Variants in TMEM114 observed in about 807,000 individuals in gnomAD.
The protein encoded by TMEM114 is claudin-26.
Under a neutral mutation model 6.2 loss-of-function variants are expected in TMEM114, and 6 were observed. That is an observed-to-expected ratio of 0.97 (90% CI 0.53 to 1.91). The LOEUF is 1.91. Ranked by LOEUF, TMEM114 falls within the 40% of genes most tolerant of loss-of-function variation. The pLI, the probability that TMEM114 is intolerant of heterozygous loss-of-function variation, is 0.01. For missense variants in TMEM114, 218 were observed against 158.3 expected (o/e 1.38, Z -2.02); for synonymous variants, 104 against 73.0 (o/e 1.42, Z -2.16).
chr16:8,586,663 C>T (rs982173239), intron 2 of TMEM114, among the ~76,000 whole-genome samples: 3 of 152,052 alleles, frequency 2.0e-5, no homozygotes, highest in African/African-American at 7.2e-5. Flanking sequence ...GCAGGTGGCA[C>T]CACACCGGGC....
intron 2 of TMEM114, among the ~76,000 whole-genome samples, chr16:8,574,483 C>T (rs1901846819): frequency 6.6e-6 from 1 of 152,224 alleles, no homozygotes; most frequent in South Asian, 2.1e-4. Flanking sequence ...GAAAACAAGA[C>T]TGAACTTCCT....
chr16:8,549,230 T>C (rs532593318), intron 2 of TMEM114, among the ~76,000 whole-genome samples: 3 of 144,380 alleles, frequency 2.1e-5, no homozygotes, highest in Non-Finnish European at 4.5e-5. Flanking sequence ...TTGGGGGTGG[T>C]GGCTCACACC....
chr16:8,590,464 G>A lies in TMEM114; in HGVS notation c.-626C>T, dbSNP rs1356786357. On this transcript the variant is annotated 5_prime_UTR_variant, in exon 1 of 4. Coordinates refer to ENST00000620492, the MANE Select transcript of TMEM114 (RefSeq NM_001146336.2). ...CCGCAGCTCCTGCTCTGGCCGGGGC[G>A]CAGCTGACCCTCTGAGCCCTCCTCC... 6.6e-6 allele frequency among the ~76,000 whole-genome samples: 1 copy of A among 152,168 alleles called. No individual in the cohort carries two copies. Among genetic ancestry groups the A allele is most frequent in the Non-Finnish European group, 1.5e-5 (1 of 68,034 alleles).
chr16:8,576,520 C>T (rs991519258), intron 2 of TMEM114, among the ~76,000 whole-genome samples: 2 of 152,096 alleles, frequency 1.3e-5, no homozygotes, highest in African/African-American at 2.4e-5. Flanking sequence ...CACTGGCAAG[C>T]GGGAAAGGAT....
chr16:8,562,424 A>C (rs62645652), intron 2 of TMEM114, among the ~76,000 whole-genome samples: 1 of 112,012 alleles, frequency 8.9e-6, no homozygotes, highest in Non-Finnish European at 1.9e-5. Flanking sequence ...GAGTGAGTGA[A>C]TAAGTGAGTG....
At chr16:8,556,324 C>T (rs1052951856) in intron 2 of TMEM114, among the ~76,000 whole-genome samples, 18 of 152,130 alleles carry the variant, frequency 1.2e-4, no homozygotes, top group African/African-American at 3.9e-4. Flanking sequence ...ACAAAAGTAT[C>T]GCCTCCTCCA....
Position 8,586,305 on chromosome 16 carries a change from G to T in TMEM114, c.301+2908C>A, listed in dbSNP as rs567274441. ...ACTGGTCCTAGGCAAGGTCCGTTTTGTTTATCCATTTTTATTCCCTCTCAT... is the reference window on the plus strand; with the variant it reads ...ACTGGTCCTAGGCAAGGTCCGTTTTTTTTATCCATTTTTATTCCCTCTCAT... On this transcript the variant is annotated intron_variant, in intron 2 of 3. Coordinates refer to ENST00000620492, the MANE Select transcript of TMEM114 (RefSeq NM_001146336.2). Among the ~76,000 whole-genome samples, 7 of 152,180 alleles carry T rather than the reference G, an allele frequency of 4.6e-5. No homozygotes were observed. In the South Asian group the frequency reaches 1.2e-3, roughly 27 times the overall value.
rs1033707224 is a variant in TMEM114, at chr16:8,539,410, C to T, written n.213-1584G>A. Among the ~76,000 whole-genome samples the T allele has an allele frequency of 6.6e-5, 10 of 152,324 alleles. No individual in the cohort carries two copies. In the South Asian group the frequency reaches 2.1e-3, roughly 32 times the overall value. ...CCCCTGGCCCGAGTGACTGCTCCAG[C>T]TCCGCAAAGCCTCCTTCTCTCTCTG... On this transcript the variant is annotated intron_variant and non_coding_transcript_variant, in intron 2 of 2. Coordinates refer to the TMEM114 transcript ENST00000623677.
chr16:8,555,236 T>G (rs1161370627), intron 2 of TMEM114, among the ~76,000 whole-genome samples: 1 of 152,198 alleles, frequency 6.6e-6, no homozygotes, highest in Non-Finnish European at 1.5e-5. Flanking sequence ...AGTTCTTGGC[T>G]TAGCCCAGGA....
intron 2 of TMEM114, among the ~76,000 whole-genome samples, chr16:8,582,747 G>T (rs989727281): frequency 2.6e-5 from 4 of 152,126 alleles, no homozygotes; most frequent in Non-Finnish European, 5.9e-5. Context: ...AAAATGATCT[G>T]GGCATGGTGG....
chr16:8,580,465 C>T (rs1312338622), intron 2 of TMEM114, among the ~76,000 whole-genome samples: 5 of 145,366 alleles, frequency 3.4e-5, no homozygotes, highest in Non-Finnish European at 3.0e-5. Flanking sequence ...CCATCCTGGG[C>T]GACAGAGAGT....
chr16:8,589,111 G>A (rs1902404177), intron 2 of TMEM114, 102 bp downstream of exon 2: 1 of 396,130 alleles, frequency 2.5e-6, no homozygotes, highest in Non-Finnish European at 4.4e-6. Flanking sequence ...CACCCCAGCC[G>A]CCCTCTCCGC....
intron 2 of TMEM114, among the ~76,000 whole-genome samples, chr16:8,586,934 C>G (rs1438666838): frequency 6.6e-6 from 1 of 152,174 alleles, no homozygotes; most frequent in Non-Finnish European, 1.5e-5. Flanking sequence ...TTCCAGGTGT[C>G]TAGGGTATGT....
chr16:8,551,890 C>A (rs1360795556), intron 2 of TMEM114, among the ~76,000 whole-genome samples: 2 of 152,144 alleles, frequency 1.3e-5, no homozygotes, highest in Non-Finnish European at 2.9e-5. Flanking sequence ...ACATCAGAAC[C>A]ATGGAATACT....
At chr16:8,529,330 A>G in the TMEM114 span, among the ~76,000 whole-genome samples, 1 of 152,188 alleles carries the variant, frequency 6.6e-6, no homozygotes. Flanking sequence ...GCCATCTGAG[A>G]CCGTTGGCCT....
intron 3 of TMEM114, among the ~76,000 whole-genome samples, chr16:8,570,318 T>A (rs1035451914): frequency 1.2e-5 from 1 of 83,860 alleles, no homozygotes; most frequent in Non-Finnish European, 2.4e-5. Flanking sequence ...TTGCATTCTT[T>A]TGTGTAATTT....
intron 2 of TMEM114, among the ~76,000 whole-genome samples, chr16:8,547,383 TC>T (rs1288350336): frequency 6.8e-6 from 1 of 146,960 alleles, no homozygotes; most frequent in East Asian, 1.9e-4. Flanking sequence ...TTTCTTTCTT[TC>T]TTTCTTTCTT....
chr16:8,531,913 T>C, the TMEM114 span: 1 of 152,258 alleles, frequency 6.6e-6, no homozygotes, highest in Non-Finnish European at 1.5e-5. Flanking sequence ...AGCTCTGTTA[T>C]GAGATAGGAA....
chr16:8,561,647 G>C (rs765036363), intron 2 of TMEM114, among the ~76,000 whole-genome samples: 52 of 141,532 alleles, frequency 3.7e-4, no homozygotes, highest in Middle Eastern at 7.1e-3. Context: ...ATGAACAAGT[G>C]AGTGAATAAG....
Sources: allele counts gnomAD v4.1 joint callset (sites outside exome capture counted in the v4.1 genomes callset), GRCh38; gene constraint gnomAD v4.1.1; transcripts MANE v1.5; gene names NCBI Gene and HGNC (gene_info 2026-07-23, HGNC 2026-07-21).